The following SLC12A8 variants were observed in gnomAD, a reference collection of about 807,000 sequenced individuals.
SLC12A8 encodes the protein solute carrier family 12 member 8, also known as cation-chloride cotransporter 9.
A neutral mutation model predicts 75.6 loss-of-function variants in SLC12A8; 69 were observed. That is an observed-to-expected ratio of 0.91 (90% CI 0.75 to 1.11). The LOEUF is 1.11. Ranked by LOEUF, SLC12A8 falls within the 50% of genes most tolerant of loss-of-function variation. The pLI, the probability that SLC12A8 is intolerant of heterozygous loss-of-function variation, is 0.00. For missense variants in SLC12A8, 877 were observed against 896.7 expected (o/e 0.98, Z 0.28); for synonymous variants, 365 against 372.8 (o/e 0.98, Z 0.24).
chr3:125,188,707 G>A (rs1190753416), intron 3 of SLC12A8, among the ~76,000 whole-genome samples: 1 of 152,232 alleles, frequency 6.6e-6, no homozygotes, highest in African/African-American at 2.4e-5. Context: ...CTAGGAGTGG[G>A]CAGAGCCAGT....
At chr3:125,164,900 G>A (rs926861220) in intron 5 of SLC12A8, among the ~76,000 whole-genome samples, 1 of 152,232 alleles carries the variant, frequency 6.6e-6, no homozygotes, top group African/African-American at 2.4e-5. Context: ...GGCTCCCCTG[G>A]TGCTTCTGAT....
At chr3:125,164,621 G>T (rs1172008794) in intron 5 of SLC12A8, among the ~76,000 whole-genome samples, 1 of 152,218 alleles carries the variant, frequency 6.6e-6, no homozygotes, top group Non-Finnish European at 1.5e-5. Flanking sequence ...AGTGTAAAGG[G>T]GATGACAGTC....
At chr3:125,084,099 A>G in intron 13 of SLC12A8, 47 bp from the exon 14 acceptor site, 1 of 1,540,770 alleles carries the variant, frequency 6.5e-7, no homozygotes, top group South Asian at 1.2e-5. Flanking sequence ...CAGAACAGAG[A>G]CTGAACAGTA....
chr3:125,184,781 C>A (rs1934737043), intron 4 of SLC12A8, among the ~76,000 whole-genome samples: 1 of 151,296 alleles, frequency 6.6e-6, no homozygotes, highest in African/African-American at 2.4e-5. Flanking sequence ...AAGAAGGAAT[C>A]AATAAAGGTC....
At chr3:125,159,669 G>A (rs139322517) in intron 5 of SLC12A8, among the ~76,000 whole-genome samples, 381 of 152,310 alleles carry the variant, frequency 2.5e-3, no homozygotes, top group African/African-American at 8.7e-3. Context: ...GATTACAGGC[G>A]TGAGCCACCA....
chr3:125,188,129 C>T (rs890815752), intron 3 of SLC12A8, among the ~76,000 whole-genome samples: 1 of 152,176 alleles, frequency 6.6e-6, no homozygotes, highest in Non-Finnish European at 1.5e-5. Flanking sequence ...TCGTGAATGG[C>T]TTGGTGTCCT....
At chr3:125,145,293 G>A (rs552527883) in intron 5 of SLC12A8, among the ~76,000 whole-genome samples, 190 of 152,298 alleles carry the variant, frequency 1.2e-3, no homozygotes, top group African/African-American at 4.5e-3. Flanking sequence ...CCAGGTGGGG[G>A]CAGGCACCAC....
At chr3:125,110,782 C>T (rs1351835099) in intron 8 of SLC12A8, 1 of 154,492 alleles carries the variant, frequency 6.5e-6, no homozygotes, top group Non-Finnish European at 1.4e-5. Context: ...AGATGATTCA[C>T]TCTGAATCAT....
chr3:125,121,794 C>T (rs759958177), intron 6 of SLC12A8, among the ~76,000 whole-genome samples: 2 of 152,130 alleles, frequency 1.3e-5, no homozygotes, highest in African/African-American at 2.4e-5. Context: ...AGAATCCAAG[C>T]GAAGTGCAGT....
chr3:125,166,661 T>C (rs2107781301), intron 5 of SLC12A8, among the ~76,000 whole-genome samples: 1 of 152,306 alleles, frequency 6.6e-6, no homozygotes, highest in East Asian at 1.9e-4. Context: ...CACACCACTT[T>C]CACCACTCAG....
chr3:125,169,163 C>G (rs1472641881), intron 5 of SLC12A8, among the ~76,000 whole-genome samples: 3 of 152,242 alleles, frequency 2.0e-5, no homozygotes, highest in African/African-American at 7.2e-5. Flanking sequence ...GCAATAAAAT[C>G]ATTTTGGCAT....
chr3:125,103,442 T>C (rs1319051547), intron 10 of SLC12A8, among the ~76,000 whole-genome samples: 2 of 144,814 alleles, frequency 1.4e-5, no homozygotes, highest in East Asian at 2.0e-4. Flanking sequence ...TTCTAAACAG[T>C]TTTTTAGTAC....
At chr3:125,170,869 C>T (rs1318072704) in intron 5 of SLC12A8, among the ~76,000 whole-genome samples, 1 of 152,146 alleles carries the variant, frequency 6.6e-6, no homozygotes, top group Non-Finnish European at 1.5e-5. Flanking sequence ...GAGCCGAGAT[C>T]ACGCCACTGC....
intron 12 of SLC12A8, among the ~76,000 whole-genome samples, chr3:125,089,893 T>C (rs989473583): frequency 7.9e-5 from 12 of 151,566 alleles, no homozygotes; most frequent in Admixed American, 2.0e-4. Context: ...TTTGATGCTA[T>C]AAATTTTCCT....
chr3:125,160,825 A>T (rs1430747353), intron 5 of SLC12A8, among the ~76,000 whole-genome samples: 2 of 143,766 alleles, frequency 1.4e-5, no homozygotes, highest in African/African-American at 5.2e-5. Flanking sequence ...GTCACATGGG[A>T]CTCGGAGGGA....
Position 125,177,896 on chromosome 3 carries a change from C to T in SLC12A8, c.469G>A (p.Val157Met). Residue 157 changes from valine (V) to methionine (M), a missense_variant, in exon 5 of 14, where the codon GTG becomes ATG. Val to Met is a conservative substitution (Grantham distance 21). Transcript: ENST00000469902. ...AGCACCGCAACTGAAATTCCTCGCA[C>T]AGCCCAGATATTCCCGAGGCCCAGC... ...DLLGLGNIWA[V>M]RGISVAVLLA... 1.2e-6 allele frequency: 2 copies of T among 1,614,202 alleles called. No individual in the cohort carries two copies. Among genetic ancestry groups the T allele is most frequent in the Non-Finnish European group, 1.7e-6 (2 of 1,180,028 alleles).
rs796517368 is a variant in SLC12A8 at position 125,185,801 on chromosome 3, G to A, written c.390+1436C>T. Among the ~76,000 whole-genome samples the A allele has an allele frequency of 6.6e-5, 10 of 152,206 alleles. No homozygotes were observed. In the South Asian group the frequency reaches 8.3e-4, roughly 13 times the overall value. ...TCAGGGACTCCTGGCCCGCGCCAGC[G>A]ACAAACAAAGCACAGGCACTCCAGA... is the stretch of plus-strand genomic sequence containing the variant. On this transcript the variant is annotated intron_variant, in intron 4 of 13. Transcript: ENST00000469902.
At chr3:125,195,434 C>T (rs1412642220) in intron 2 of SLC12A8, among the ~76,000 whole-genome samples, 1 of 152,180 alleles carries the variant, frequency 6.6e-6, no homozygotes, top group Non-Finnish European at 1.5e-5. Context: ...CCGTCAAAGT[C>T]TGATTTCCCT....
intron 6 of SLC12A8, among the ~76,000 whole-genome samples, chr3:125,128,294 C>T (rs1413130630): frequency 1.4e-5 from 2 of 145,228 alleles, no homozygotes; most frequent in African/African-American, 5.0e-5. Context: ...CATTCTCCTG[C>T]CTCAGCCTCC....
Sources: gnomAD v4.1 joint callset for allele counts (sites outside exome capture counted in the v4.1 genomes callset) on GRCh38, gnomAD v4.1.1 for gene constraint, MANE v1.5 for transcripts, NCBI Gene and HGNC (gene_info 2026-07-23, HGNC 2026-07-21) for gene names.